The following FOXP1 variants were observed in gnomAD, a reference collection of about 807,000 sequenced individuals.
FOXP1 encodes the protein forkhead box protein P1.
Under a neutral mutation model 98.2 loss-of-function variants are expected in FOXP1, and 15 were observed. That is an observed-to-expected ratio of 0.15 (90% CI 0.10 to 0.24). The LOEUF (loss-of-function observed/expected upper bound fraction) is 0.24. Among genes scored for constraint, FOXP1 ranks in the 10% least tolerant of loss-of-function variants. FOXP1 has a pLI of 1.00. For synonymous variants in FOXP1, 371 were observed against 314.5 expected (o/e 1.18, Z -1.90); for missense variants, 633 against 848.5 (o/e 0.75, Z 3.15).
At chr3:71,151,006 G>T (rs7647909) in intron 6 of FOXP1, among the ~76,000 whole-genome samples, 98,179 of 151,986 alleles carry the variant, frequency 0.65, 33,104 homozygotes, top group Non-Finnish European at 0.75. Context: ...CTCCAAGTCT[G>T]AAAATTATCG....
chr3:71,581,153 G>T (rs2048129142), intron 2 of FOXP1: 1 of 983,278 alleles, frequency 1.0e-6, no homozygotes, highest in African/African-American at 1.7e-5. Flanking sequence ...CGAAAGCATA[G>T]GATGAGCCCA....
At chr3:71,509,736 G>C (rs1250504129) in intron 2 of FOXP1, among the ~76,000 whole-genome samples, 2 of 152,106 alleles carry the variant, frequency 1.3e-5, no homozygotes, top group African/African-American at 4.8e-5. Context: ...TTAAAAATTA[G>C]CCGGGCTCAG....
chr3:70,974,298 T>A (rs1406376592), intron 17 of FOXP1, among the ~76,000 whole-genome samples: 1 of 135,560 alleles, frequency 7.4e-6, no homozygotes, highest in African/African-American at 3.3e-5. Flanking sequence ...AAATAAGCAG[T>A]TTTTTTTTTT....
intron 6 of FOXP1, among the ~76,000 whole-genome samples, chr3:71,183,433 A>C (rs1363843430): frequency 1.3e-5 from 2 of 152,156 alleles, no homozygotes; most frequent in Non-Finnish European, 2.9e-5. Flanking sequence ...CAGGAGGCGG[A>C]GGTTGCAGTG....
intron 9 of FOXP1, 47 bp downstream of exon 9, chr3:71,052,490 G>C: frequency 1.1e-6 from 1 of 876,228 alleles, no homozygotes; most frequent in South Asian, 1.3e-5. Context: ...CCACTAGATA[G>C]TCCTCTGGGA....
chr3:71,170,276 C>A (rs1470993379), intron 6 of FOXP1, among the ~76,000 whole-genome samples: 2 of 152,172 alleles, frequency 1.3e-5, no homozygotes, highest in Non-Finnish European at 2.9e-5. Flanking sequence ...TATATCACAA[C>A]AATGACGCTC....
chr3:71,177,436 A>G (rs2062006865), intron 6 of FOXP1, among the ~76,000 whole-genome samples: 1 of 152,224 alleles, frequency 6.6e-6, no homozygotes, highest in Non-Finnish European at 1.5e-5. Context: ...AAAACATTTC[A>G]GGAAACTCAA....
chr3:71,051,738 A>G (rs902663325), intron 9 of FOXP1, among the ~76,000 whole-genome samples: 2 of 152,204 alleles, frequency 1.3e-5, no homozygotes, highest in Non-Finnish European at 2.9e-5. Flanking sequence ...ATAATAACGC[A>G]CACATGCACA....
At chr3:71,505,646 C>G (rs1188211165) in intron 2 of FOXP1, among the ~76,000 whole-genome samples, 1 of 152,076 alleles carries the variant, frequency 6.6e-6, no homozygotes, top group African/African-American at 2.4e-5. Context: ...AGGATAGTCT[C>G]GATCTCCTGA....
chr3:71,535,214 C>T (rs1340581976), intron 2 of FOXP1, among the ~76,000 whole-genome samples: 1 of 152,170 alleles, frequency 6.6e-6, no homozygotes, highest in African/African-American at 2.4e-5. Flanking sequence ...ACTTCCAAGG[C>T]TCTGAAAGGA....
chr3:70,994,183 G>C (rs1280677964), intron 13 of FOXP1, among the ~76,000 whole-genome samples: 1 of 151,196 alleles, frequency 6.6e-6, no homozygotes, highest in Non-Finnish European at 1.5e-5. Context: ...CCAGTCAAAT[G>C]GTTTCCAAGC....
intron 4 of FOXP1, among the ~76,000 whole-genome samples, chr3:71,308,749 ATGTGTGTGTGTGTGTG>A (rs71104439): frequency 0.15 from 20,067 of 132,192 alleles, 1,644 homozygotes; most frequent in Non-Finnish European, 0.19. Flanking sequence ...TTCTACCACA[ATGTGTGTGTGTGTGTG>A]TGTGTGTGTG....
intron 3 of FOXP1, among the ~76,000 whole-genome samples, chr3:71,377,850 T>C (rs1479958500): frequency 2.0e-5 from 3 of 152,210 alleles, no homozygotes; most frequent in Admixed American, 1.3e-4. Context: ...GCACAAATGC[T>C]TCCTTGATAC....
At chr3:71,031,416 A>G (rs1283633079) in intron 11 of FOXP1, among the ~76,000 whole-genome samples, 1 of 152,248 alleles carries the variant, frequency 6.6e-6, no homozygotes, top group African/African-American at 2.4e-5. Context: ...AAACAAGAAC[A>G]CAAATAGTTA....
chr3:71,364,786 TA>T (rs2078804588), intron 3 of FOXP1, among the ~76,000 whole-genome samples: 1 of 152,194 alleles, frequency 6.6e-6, no homozygotes, highest in Non-Finnish European at 1.5e-5. Flanking sequence ...TCTTCATGAT[TA>T]AAAAAGAAGT....
rs201185210 is a variant in FOXP1, at chr3:71,550,272, G to A, written c.-298+31277C>T. ...TATAAATCACATAGCAAAGCTGGTT[G>A]AGAGCACAAACCCTTCAACAAAACC... On this transcript the variant is annotated intron_variant, in intron 2 of 20. Coordinates refer to ENST00000649528, the MANE Select transcript of FOXP1 (RefSeq NM_001349338.3). Among the ~76,000 whole-genome samples, 6 of 152,252 alleles carry A rather than the reference G, an allele frequency of 3.9e-5. No homozygotes were observed. The East Asian group carries it at 1.2e-3, about 29-fold the overall frequency.
intron 5 of FOXP1, chr3:71,276,112 C>T (rs1367277260): frequency 2.0e-5 from 3 of 152,158 alleles, no homozygotes; most frequent in African/African-American, 7.2e-5. Context: ...ATGAAATGCA[C>T]ATTTATTTTT....
At chr3:71,034,534 CAAAAAATAAAAAT>C in intron 11 of FOXP1, among the ~76,000 whole-genome samples, 1 of 151,418 alleles carries the variant, frequency 6.6e-6, no homozygotes, top group African/African-American at 2.4e-5. Flanking sequence ...ATAGGAAAAT[CAAAAAATAAAAAT>C]AAAAAATAAA....
intron 4 of FOXP1, among the ~76,000 whole-genome samples, chr3:71,328,526 G>C (rs191932846): frequency 6.0e-4 from 91 of 152,356 alleles, no homozygotes; most frequent in Admixed American, 3.0e-3. Flanking sequence ...GGAACACAAT[G>C]TGTGACTTTT....
Sources: gnomAD v4.1 joint callset for allele counts (sites outside exome capture counted in the v4.1 genomes callset) on GRCh38, gnomAD v4.1.1 for gene constraint, MANE v1.5 for transcripts, NCBI Gene and HGNC (gene_info 2026-07-23, HGNC 2026-07-21) for gene names.